The following IL1RAPL1 variants were observed in gnomAD, a reference collection of about 807,000 sequenced individuals.
The protein encoded by IL1RAPL1 is interleukin-1 receptor accessory protein-like 1.
A neutral mutation model predicts 48.4 loss-of-function variants in IL1RAPL1; 3 were observed. The observed-to-expected ratio is 0.06, with a 90% CI of 0.03 to 0.16. IL1RAPL1 has a LOEUF of 0.16. IL1RAPL1 is among the 10% of genes least tolerant of loss of function. IL1RAPL1 has a pLI of 1.00. For missense variants in IL1RAPL1, 349 were observed against 530.6 expected, an observed-to-expected ratio of 0.66 and a Z score of 3.36; for synonymous variants, 185 against 187.7, an observed-to-expected ratio of 0.99 and a Z score of 0.12.
chrX:29,725,823 A>C (rs1927762728), intron 6 of IL1RAPL1, among the ~76,000 whole-genome samples: 1 of 112,345 alleles, frequency 8.9e-6, no homozygotes, highest in Admixed American at 9.5e-5. Context: ...TACATTGTGA[A>C]AGTTTCAAAG....
At chrX:29,769,427 GTTTTTTTTTTTTT>G (rs749403144) in intron 6 of IL1RAPL1, among the ~76,000 whole-genome samples, 2 of 25,890 alleles carry the variant, frequency 7.7e-5, no homozygotes, top group East Asian at 2.0e-3. Context: ...CTGCCAAACA[GTTTTTTTTTTTTT>G]TTTTTTTTTT....
At chrX:29,154,307 A>C (rs897562565) in intron 2 of IL1RAPL1, among the ~76,000 whole-genome samples, 3 of 111,502 alleles carry the variant, frequency 2.7e-5, no homozygotes, top group African/African-American at 9.8e-5. Flanking sequence ...TGGGAGGCCG[A>C]GGCGGGTGGA....
At chrX:29,382,689 GTTTATTTA>G (rs752687739) in intron 3 of IL1RAPL1, among the ~76,000 whole-genome samples, 1 of 111,412 alleles carries the variant, frequency 9.0e-6, no homozygotes, top group African/African-American at 3.3e-5. Context: ...TTATGTATTT[GTTTATTTA>G]TTTATTTATT....
At chrX:29,954,338 C>T (rs954941197) in intron 9 of IL1RAPL1, among the ~76,000 whole-genome samples, 184 bp from the exon 10 acceptor site, 3 of 109,119 alleles carry the variant, frequency 2.7e-5, no homozygotes, top group Non-Finnish European at 5.7e-5. Flanking sequence ...AAAATTCAAC[C>T]CTTTGTACCT....
chrX:28,776,357 C>G (rs1246254234), intron 1 of IL1RAPL1, among the ~76,000 whole-genome samples: 1 of 111,753 alleles, frequency 8.9e-6, no homozygotes, highest in African/African-American at 3.2e-5. Flanking sequence ...GCAACAAGAT[C>G]AAACAGACAT....
intron 6 of IL1RAPL1, among the ~76,000 whole-genome samples, chrX:29,683,914 C>T (rs923164846): frequency 7.2e-5 from 8 of 111,714 alleles, no homozygotes; most frequent in African/African-American, 1.6e-4. Flanking sequence ...GAAACAGTGC[C>T]GCAACAAACA....
At chrX:29,434,480 A>G (rs1934458723) in intron 5 of IL1RAPL1, among the ~76,000 whole-genome samples, 1 of 111,007 alleles carries the variant, frequency 9.0e-6, no homozygotes, top group African/African-American at 3.2e-5. Context: ...CGTGCTGGTC[A>G]TGTGAAGTAA....
At chrX:29,288,794 C>CT (rs200993241) in intron 3 of IL1RAPL1, among the ~76,000 whole-genome samples, 6 of 111,584 alleles carry the variant, frequency 5.4e-5, no homozygotes, top group East Asian at 2.8e-4. Flanking sequence ...AAAAGCATTC[C>CT]TTTTTTTTCT....
intron 5 of IL1RAPL1, among the ~76,000 whole-genome samples, chrX:29,631,217 T>C (rs1204843584): frequency 8.9e-6 from 1 of 111,841 alleles, no homozygotes; most frequent in Non-Finnish European, 1.9e-5. Context: ...TTATTTTTTT[T>C]CCAGCTCTTG....
chrX:29,673,980 C>T (rs1256292954), intron 6 of IL1RAPL1, among the ~76,000 whole-genome samples: 1 of 112,217 alleles, frequency 8.9e-6, no homozygotes, highest in East Asian at 2.8e-4. Context: ...ATTTTGAGGT[C>T]ATTGTATGAC....
chrX:29,170,753 A>G lies in IL1RAPL1; in HGVS notation c.83-112185A>G, dbSNP rs751968951. ...TTCTTTGAAGTTAATATGACCATATAATAACTTTTGGTGTTAGAAATATAT... is the reference window on the plus strand; with the variant it reads ...TTCTTTGAAGTTAATATGACCATATGATAACTTTTGGTGTTAGAAATATAT... On this transcript the variant is annotated intron_variant, in intron 2 of 10. Coordinates refer to ENST00000378993, the MANE Select transcript of IL1RAPL1 (RefSeq NM_014271.4). Among the ~76,000 whole-genome samples, 52 of 111,952 alleles carry G rather than the reference A, an allele frequency of 4.6e-4. 1 individual carries two copies. The highest frequency in any genetic ancestry group is 5.7e-4 in the Admixed American group (6 of 10,458).
intron 3 of IL1RAPL1, among the ~76,000 whole-genome samples, chrX:29,319,337 G>A (rs917168447): frequency 1.0e-5 from 1 of 99,347 alleles, no homozygotes; most frequent in African/African-American, 3.7e-5. Flanking sequence ...AACTACAAGT[G>A]CACCCCACTG....
intron 2 of IL1RAPL1, among the ~76,000 whole-genome samples, chrX:28,832,211 C>T (rs1365815169): frequency 9.0e-6 from 1 of 110,616 alleles, no homozygotes; most frequent in Non-Finnish European, 1.9e-5. Context: ...CCTATATCAC[C>T]GTATTTTTGT....
chrX:29,075,987 T>G (rs1927662251), intron 2 of IL1RAPL1, among the ~76,000 whole-genome samples: 1 of 111,687 alleles, frequency 9.0e-6, no homozygotes, highest in Non-Finnish European at 1.9e-5. Context: ...ATATTAAAAT[T>G]ACTAAGTAAT....
intron 5 of IL1RAPL1, among the ~76,000 whole-genome samples, chrX:29,460,844 A>G (rs1441318531): frequency 9.0e-6 from 1 of 111,703 alleles, no homozygotes; most frequent in Non-Finnish European, 1.9e-5. Context: ...AAAAGAAAAC[A>G]TAAGAGATAA....
At chrX:29,673,519 A>T (rs1372182663) in intron 6 of IL1RAPL1, among the ~76,000 whole-genome samples, 1 of 111,703 alleles carries the variant, frequency 9.0e-6, no homozygotes. Flanking sequence ...ACAAACTCAA[A>T]TTAAAAAACC....
intron 5 of IL1RAPL1, among the ~76,000 whole-genome samples, chrX:29,643,492 G>C (rs1925228432): frequency 8.9e-6 from 1 of 112,023 alleles, no homozygotes; most frequent in Non-Finnish European, 1.9e-5. Context: ...CTGTACATCT[G>C]TAAGTCAAAA....
chrX:29,289,412 G>A (rs1391101851), intron 3 of IL1RAPL1, among the ~76,000 whole-genome samples: 3 of 111,791 alleles, frequency 2.7e-5, no homozygotes, highest in Non-Finnish European at 5.6e-5. Flanking sequence ...TAATTTCTGT[G>A]TTTTTTATTC....
chrX:29,185,446 T>C (rs772661758), intron 2 of IL1RAPL1, among the ~76,000 whole-genome samples: 14 of 112,138 alleles, frequency 1.2e-4, no homozygotes, highest in Admixed American at 2.9e-4. Context: ...AATAATAATG[T>C]TGATAATTTC....
Sources: allele counts gnomAD v4.1 joint callset (sites outside exome capture counted in the v4.1 genomes callset), GRCh38; gene constraint gnomAD v4.1.1; transcripts MANE v1.5; gene names NCBI Gene and HGNC (gene_info 2026-07-23, HGNC 2026-07-21).